CCDC171: variants seen among roughly 807,000 people sequenced by gnomAD.
CCDC171 encodes coiled-coil domain-containing protein 171.
Under a neutral mutation model 168.2 loss-of-function variants are expected in CCDC171, and 177 were observed. That is an observed-to-expected ratio of 1.05 (90% CI 0.93 to 1.19). The LOEUF is 1.19. Among genes scored for constraint, CCDC171 ranks in the 50% most tolerant of loss-of-function variants. CCDC171 has a pLI of 0.00. For synonymous variants in CCDC171, 687 were observed against 540.8 expected (o/e 1.27, Z -3.75); for missense variants, 1,991 against 1,539.0 (o/e 1.29, Z -4.91).
At chr9:15,865,646 T>C (rs1483854253) in intron 23 of CCDC171, among the ~76,000 whole-genome samples, 1 of 152,078 alleles carries the variant, frequency 6.6e-6, no homozygotes, top group Non-Finnish European at 1.5e-5. Context: ...TTTTCTTTTT[T>C]CTAGCTTTAT....
intron 21 of CCDC171, among the ~76,000 whole-genome samples, chr9:15,825,328 G>A (rs1312827288): frequency 6.6e-6 from 1 of 152,140 alleles, no homozygotes. Context: ...CTTTGATAAT[G>A]TAGGTAGAAG....
intron 16 of CCDC171, among the ~76,000 whole-genome samples, chr9:15,742,665 G>C (rs1464644307): frequency 6.6e-6 from 1 of 152,174 alleles, no homozygotes; most frequent in Non-Finnish European, 1.5e-5. Context: ...CCCATTGATA[G>C]AATATGGCTG....
At chr9:15,659,869 A>G (rs1013616253) in intron 8 of CCDC171, among the ~76,000 whole-genome samples, 1 of 151,930 alleles carries the variant, frequency 6.6e-6, no homozygotes, top group East Asian at 1.9e-4. Flanking sequence ...TCCTATCACC[A>G]CTCCGTTACT....
At chr9:15,919,116 C>G (rs896416712) in intron 24 of CCDC171, among the ~76,000 whole-genome samples, 4 of 151,488 alleles carry the variant, frequency 2.6e-5, no homozygotes, top group African/African-American at 9.7e-5. Context: ...CCACAGAAAA[C>G]CAGGATAGAA....
intron 21 of CCDC171, among the ~76,000 whole-genome samples, chr9:15,789,793 T>C (rs773586956): frequency 1.5e-5 from 2 of 132,842 alleles, no homozygotes; most frequent in African/African-American, 2.8e-5. Context: ...GATGTTCCCC[T>C]TCCTGTGTCC....
At chr9:16,080,115 G>T in the CCDC171 span, among the ~76,000 whole-genome samples, 3 of 152,254 alleles carry the variant, frequency 2.0e-5, no homozygotes, top group African/African-American at 4.8e-5. Context: ...TGGCCTCTCT[G>T]CTGCATTTAT....
In CCDC171 at chr9:15,576,477, C is replaced by T. The variant is rs564940617; in HGVS notation, c.178-2372C>T. Among the ~76,000 whole-genome samples the T allele has an allele frequency of 4.6e-5, 7 of 152,156 alleles. No homozygotes were observed. In the East Asian group the frequency reaches 9.7e-4, roughly 21 times the overall value. On this transcript the variant is annotated intron_variant, in intron 3 of 25. Transcript: ENST00000380701. ...TGCTGGGATTGCAGGAGTGAGCCAC[C>T]GCACCTGGCCAGCATTTTAATTTTA...
intron 11 of CCDC171, among the ~76,000 whole-genome samples, chr9:15,718,343 A>G (rs1288193170): frequency 6.6e-6 from 1 of 152,182 alleles, no homozygotes; most frequent in Non-Finnish European, 1.5e-5. Flanking sequence ...AAGGTTTCCA[A>G]CACCAGGCCT....
At chr9:15,743,883 T>C (rs2055071966) in intron 16 of CCDC171, among the ~76,000 whole-genome samples, 1 of 152,222 alleles carries the variant, frequency 6.6e-6, no homozygotes, top group African/African-American at 2.4e-5. Context: ...CTATTGGCAG[T>C]GTCATTTCTG....
chr9:15,637,321 T>A (rs542861976), intron 7 of CCDC171, among the ~76,000 whole-genome samples: 1 of 152,140 alleles, frequency 6.6e-6, no homozygotes, highest in South Asian at 2.1e-4. Context: ...ACCTAAACTT[T>A]AAGGTGTGGT....
Position 15,912,198 on chromosome 9 carries a change from A to G in CCDC171, c.3601-8072A>G, listed in dbSNP as rs1014221467. On this transcript the variant is annotated intron_variant, in intron 24 of 25. Transcript: ENST00000380701. ...ATTCATGAGCATGGAATGTTTTTCCATCTGTTTGTGTCCTTTCTTATTTCC... is the reference window on the plus strand; with the variant it reads ...ATTCATGAGCATGGAATGTTTTTCCGTCTGTTTGTGTCCTTTCTTATTTCC... Among the ~76,000 whole-genome samples, 10 of 152,172 alleles carry G rather than the reference A, an allele frequency of 6.6e-5. No individual in the cohort carries two copies. The South Asian group carries it at 8.3e-4, about 13-fold the overall frequency.
chr9:15,623,498 C>CACACACACAG, intron 7 of CCDC171, 85 bp downstream of exon 7: 5 of 669,294 alleles, frequency 7.5e-6, no homozygotes, highest in Non-Finnish European at 1.2e-5. Context: ...CACACACACA[C>CACACACACAG]ACACACACAT....
Position 15,623,281 on chromosome 9 carries a change from T to C in CCDC171, c.690T>C (p.Ala230=), listed in dbSNP as rs757464121. The part of the protein sequence containing the change: ...LQFIVQEQDT[A]VQNMHKKVEK... ...TTATTTTCCAGGAGCAAGATACTGC[T>C]GTGCAAAATATGCATAAGAAAGTAG... Residue 230 remains alanine (A), a synonymous_variant, in exon 7 of 26, where the codon GCT becomes GCC. Transcript: ENST00000380701. The C allele has an allele frequency of 4.4e-6, 7 of 1,585,360 alleles. No homozygotes were observed. In the East Asian group the frequency reaches 1.6e-4, roughly 36 times the overall value.
chr9:15,847,943 C>A (rs1242086047), intron 22 of CCDC171, among the ~76,000 whole-genome samples: 1 of 151,966 alleles, frequency 6.6e-6, no homozygotes, highest in Admixed American at 6.6e-5. Context: ...GCACCACCAT[C>A]TGAGGTGTAT....
At chr9:15,846,246 C>T (rs555115769) in intron 21 of CCDC171, among the ~76,000 whole-genome samples, 1 of 151,954 alleles carries the variant, frequency 6.6e-6, no homozygotes, top group Non-Finnish European at 1.5e-5. Flanking sequence ...TTGGGTTTAC[C>T]ATTTTCTTAT....
At chr9:15,605,012 C>A (rs115566892) in intron 6 of CCDC171, among the ~76,000 whole-genome samples, 1 of 152,108 alleles carries the variant, frequency 6.6e-6, no homozygotes, top group Non-Finnish European at 1.5e-5. Flanking sequence ...TTGCCTACCT[C>A]AGCCTCCTTT....
intron 25 of CCDC171, among the ~76,000 whole-genome samples, chr9:15,926,799 T>C (rs1383260600): frequency 4.0e-5 from 6 of 151,818 alleles, no homozygotes; most frequent in East Asian, 3.9e-4. Context: ...CTGATAGTTA[T>C]ATGTATTTCC....
chr9:16,101,470 G>A, the CCDC171 span, among the ~76,000 whole-genome samples: 1 of 152,174 alleles, frequency 6.6e-6, no homozygotes, highest in African/African-American at 2.4e-5. Context: ...TGAAACCCGT[G>A]AATGTGATGC....
rs939338926 is a variant in CCDC171 at position 15,828,861 on chromosome 9, T to C, written c.3268-17841T>C. 7.4e-4 allele frequency among the ~76,000 whole-genome samples: 112 copies of C among 152,312 alleles called. 1 individual carries two copies. The highest frequency in any genetic ancestry group is 2.5e-3 in the African/African-American group (104 of 41,568). On this transcript the variant is annotated intron_variant, in intron 21 of 25. Transcript: ENST00000380701. ...TAGGTCAGAAAATAGCTTATGTTGA[T>C]GGAAAAAATAATCAGGGTTTTTGTA...
Sources: gnomAD v4.1 joint callset for allele counts (sites outside exome capture counted in the v4.1 genomes callset) on GRCh38, gnomAD v4.1.1 for gene constraint, MANE v1.5 for transcripts, NCBI Gene and HGNC (gene_info 2026-07-23, HGNC 2026-07-21) for gene names.